The following ATP8B1 variants were observed in gnomAD, a reference collection of about 807,000 sequenced individuals.
ATP8B1 encodes the protein ATPase phospholipid transporting 8B1, also known as phospholipid-transporting ATPase IC.
ATP8B1 carries 80 observed loss-of-function variants against 149.9 expected under a neutral mutation model. The observed-to-expected ratio is 0.53, with a 90% CI of 0.45 to 0.64. The LOEUF (loss-of-function observed/expected upper bound fraction) is 0.64, where lower values mean the gene tolerates loss of function less well. ATP8B1 is among the 30% of genes least tolerant of loss of function. The pLI, the probability that ATP8B1 is intolerant of heterozygous loss-of-function variation, is 0.00. For missense variants in ATP8B1, 1,247 were observed against 1,552.6 expected, an observed-to-expected ratio of 0.80 and a Z score of 3.31; for synonymous variants, 536 against 562.8, an observed-to-expected ratio of 0.95 and a Z score of 0.67.
intron 1 of ATP8B1, among the ~76,000 whole-genome samples, chr18:57,758,075 T>A (rs1222688903): frequency 1.3e-5 from 2 of 151,894 alleles, no homozygotes; most frequent in Admixed American, 1.3e-4. Flanking sequence ...GGCGGGAGGA[T>A]CATTTGGTCC....
intron 16 of ATP8B1, among the ~76,000 whole-genome samples, chr18:57,674,023 A>AAGACTGCT (rs111541800): frequency 7.4e-4 from 112 of 152,258 alleles, no homozygotes; most frequent in African/African-American, 2.6e-3. Context: ...TTTAAAATAA[A>AAGACTGCT]AGACTGCTAC....
rs2079765313 is a variant in ATP8B1, at chr18:57,731,525, C to T, written c.181+102G>A. ...CTAAGAAGAGATCAGAGAAGATTCTCTCCTAGACCACGCAAAATAGACCGA... is the reference window on the plus strand; with the variant it reads ...CTAAGAAGAGATCAGAGAAGATTCTTTCCTAGACCACGCAAAATAGACCGA... On this transcript the variant is annotated intron_variant, in intron 2 of 27. Coordinates refer to ENST00000648908, the MANE Select transcript of ATP8B1 (RefSeq NM_001374385.1). 7 of 1,371,188 alleles carry T rather than the reference C, an allele frequency of 5.1e-6. No individual in the cohort carries two copies. The East Asian group carries it at 1.7e-4, about 34-fold the overall frequency. 84.9% of individuals were successfully genotyped at this position (1,371,188 alleles called of 1,614,324 possible).
intron 1 of ATP8B1, among the ~76,000 whole-genome samples, chr18:57,785,801 T>C (rs926296421): frequency 1.3e-5 from 2 of 152,204 alleles, no homozygotes; most frequent in African/African-American, 4.8e-5. Context: ...CCACCGTACC[T>C]GGCCGTAAGT....
At chr18:57,692,520 C>G (rs1912592804) in intron 11 of ATP8B1, among the ~76,000 whole-genome samples, 1 of 150,256 alleles carries the variant, frequency 6.7e-6, no homozygotes, top group African/African-American at 2.5e-5. Flanking sequence ...ACTACAACCT[C>G]CACCTCCCTG....
chr18:57,708,328 G>A (rs1913521047), intron 2 of ATP8B1, among the ~76,000 whole-genome samples: 1 of 152,070 alleles, frequency 6.6e-6, no homozygotes, highest in Non-Finnish European at 1.5e-5. Flanking sequence ...AAATGAAAAT[G>A]TTCCTGGTAT....
chr18:57,676,050 G>C (rs1911566105), intron 15 of ATP8B1, among the ~76,000 whole-genome samples: 1 of 152,176 alleles, frequency 6.6e-6, no homozygotes, highest in South Asian at 2.1e-4. Flanking sequence ...GGAAAATACT[G>C]AGCCAGAGAA....
At chr18:57,743,877 G>A (rs2079940707) in intron 1 of ATP8B1, among the ~76,000 whole-genome samples, 4 of 152,082 alleles carry the variant, frequency 2.6e-5, no homozygotes, top group Admixed American at 2.6e-4. Flanking sequence ...AGCCTGGGAG[G>A]GAGACTGTTC....
intron 1 of ATP8B1, among the ~76,000 whole-genome samples, chr18:57,757,664 T>A (rs1042147222): frequency 6.6e-6 from 1 of 152,254 alleles, no homozygotes; most frequent in Admixed American, 6.5e-5. Context: ...TTTCTATATG[T>A]TCCTTCTTTC....
intron 1 of ATP8B1, among the ~76,000 whole-genome samples, chr18:57,747,416 G>T (rs956160373): frequency 6.0e-5 from 9 of 149,540 alleles, no homozygotes; most frequent in African/African-American, 2.0e-4. Context: ...CCCCACCACT[G>T]CACTCCAGTC....
chr18:57,765,391 C>T (rs1018355229), intron 1 of ATP8B1, among the ~76,000 whole-genome samples: 3 of 152,050 alleles, frequency 2.0e-5, no homozygotes, highest in African/African-American at 4.8e-5. Flanking sequence ...ATGGTTGGGT[C>T]GGGTGCAGTG....
intron 15 of ATP8B1, among the ~76,000 whole-genome samples, chr18:57,678,907 CA>C (rs377277986): frequency 0.83 from 13,939 of 16,744 alleles, 5,887 homozygotes; most frequent in Middle Eastern, 0.94. Flanking sequence ...GATTCTATCT[CA>C]AAAAAAAAAA....
rs762800163 is a variant in ATP8B1, at chr18:57,671,619, A to AT, written c.1820-40dup. 16 of 1,379,912 alleles carry AT rather than the reference A, an allele frequency of 1.2e-5. No individual in the cohort carries two copies. In the East Asian group the frequency reaches 2.3e-4, roughly 20 times the overall value. 85.5% of individuals were successfully genotyped at this position (1,379,912 alleles called of 1,614,324 possible). The stretch of plus-strand genomic sequence containing the variant: ...AAGGAAATAAACACAACAAAGTTTG[A>AT]TTTTTTATATATATATTTTTTGAGA... On this transcript the variant is annotated intron_variant, in intron 16 of 27. Transcript: ENST00000648908.
intron 16 of ATP8B1, among the ~76,000 whole-genome samples, chr18:57,673,618 A>T (rs1033100787): frequency 5.9e-5 from 9 of 151,670 alleles, no homozygotes; most frequent in African/African-American, 2.2e-4. Context: ...GTGTGTACAT[A>T]TATATGTGTG....
rs61370323 is a variant in ATP8B1, at chr18:57,701,354, A to G, written c.394-41T>C. 1,646 of 1,553,582 alleles carry G rather than the reference A, an allele frequency of 1.1e-3. 15 individuals carry two copies. In the African/African-American group the frequency reaches 0.018, roughly 17 times the overall value. ...GGCTTATGTGTGTGTCCATGAAGGC[A>G]TATCAAGCTTACAGGTAACTTATTG... On this transcript the variant is annotated intron_variant, in intron 4 of 27. Transcript: ENST00000648908.
intron 1 of ATP8B1, among the ~76,000 whole-genome samples, chr18:57,783,412 A>G (rs751885667): frequency 6.6e-6 from 1 of 152,194 alleles, no homozygotes; most frequent in Non-Finnish European, 1.5e-5. Context: ...AGTCTTTTTT[A>G]TGTATTTATT....
At chr18:57,697,773 G>A in intron 7 of ATP8B1, 22 bp downstream of exon 7, 1 of 1,612,816 alleles carries the variant, frequency 6.2e-7, no homozygotes, top group Non-Finnish European at 8.5e-7. Context: ...AGGAACAAGA[G>A]AAGCAGAATT....
chr18:57,774,922 C>A (rs1278232445), intron 1 of ATP8B1, among the ~76,000 whole-genome samples: 1 of 152,198 alleles, frequency 6.6e-6, no homozygotes, highest in Non-Finnish European at 1.5e-5. Flanking sequence ...CACAAGAATG[C>A]CAACTCCATA....
At chr18:57,738,734 C>T (rs2079883248) in intron 1 of ATP8B1, among the ~76,000 whole-genome samples, 1 of 152,176 alleles carries the variant, frequency 6.6e-6, no homozygotes, top group African/African-American at 2.4e-5. Context: ...ATCTCCATGG[C>T]CACCATCATC....
chr18:57,766,717 G>C (rs891985040), intron 1 of ATP8B1, among the ~76,000 whole-genome samples: 1 of 152,162 alleles, frequency 6.6e-6, no homozygotes, highest in African/African-American at 2.4e-5. Context: ...CCGGTACAGG[G>C]ACCACCCTTT....
Sources: allele counts gnomAD v4.1 joint callset (sites outside exome capture counted in the v4.1 genomes callset), GRCh38; gene constraint gnomAD v4.1.1; transcripts MANE v1.5; gene names NCBI Gene and HGNC (gene_info 2026-07-23, HGNC 2026-07-21).